DACT1: variants seen among roughly 807,000 people sequenced by gnomAD.
The protein encoded by DACT1 is dapper homolog 1.
A neutral mutation model predicts 35.3 loss-of-function variants in DACT1; 19 were observed. That is an observed-to-expected ratio of 0.54 (90% CI 0.38 to 0.79). The LOEUF (loss-of-function observed/expected upper bound fraction) is 0.79, where lower values mean the gene tolerates loss of function less well. DACT1 is among the 30% of genes least tolerant of loss of function. The pLI, the probability that DACT1 is intolerant of heterozygous loss-of-function variation, is 0.00. For synonymous variants in DACT1, 545 were observed against 466.7 expected (o/e 1.17, Z -2.16); for missense variants, 1,143 against 1,057.5 (o/e 1.08, Z -1.12).
At position 58,641,760 on chromosome 14, in the gene DACT1, A is replaced by G; in HGVS notation, c.634+13A>G. The G allele has an allele frequency of 6.2e-7, 1 of 1,611,378 alleles. No homozygotes were observed. The highest frequency in any genetic ancestry group is 8.5e-7 in the Non-Finnish European group (1 of 1,179,192). On this transcript the variant is annotated intron_variant, in intron 3 of 3. Transcript: ENST00000395153. ...CCCAAATCTGCAGGTAAGAATTTTT[A>G]GCACTGATAGAAATTTTTAATTGGA...
chr14:58,638,607 G>A, intron 1 of DACT1, 60 bp downstream of exon 1: 2 of 1,285,322 alleles, frequency 1.6e-6, no homozygotes, highest in South Asian at 7.0e-5. Context: ...AGGTCGGGCA[G>A]GTGGCCTGGG....
At chr14:58,640,961 G>A in intron 2 of DACT1, 93 bp downstream of exon 2, 1 of 1,426,812 alleles carries the variant, frequency 7.0e-7, no homozygotes, top group Non-Finnish European at 9.8e-7. Flanking sequence ...AATGGCAATG[G>A]AGTTTGTTTC....
chr14:58,640,342 T>C (rs1027450706), intron 1 of DACT1, among the ~76,000 whole-genome samples: 5 of 152,238 alleles, frequency 3.3e-5, no homozygotes, highest in Admixed American at 1.3e-4. Flanking sequence ...TAGTGTATTA[T>C]AGGAAATCTC....
At chr14:58,641,219 T>TC (rs532701830) in intron 2 of DACT1, among the ~76,000 whole-genome samples, 1 of 151,504 alleles carries the variant, frequency 6.6e-6, no homozygotes, top group Non-Finnish European at 1.5e-5. Context: ...TTTTTTTTTT[T>TC]TTTCTTTTAA....
In DACT1 at chr14:58,646,990, G is replaced by T; in HGVS notation, c.2256G>T (p.Gln752His). The T allele has an allele frequency of 6.2e-7, 1 of 1,614,170 alleles. No homozygotes were observed. The highest frequency in any genetic ancestry group is 8.5e-7 in the Non-Finnish European group (1 of 1,180,034). Residue 752 changes from glutamine (Q) to histidine (H), a missense_variant, in exon 4 of 4, where the codon CAG (glutamine) becomes CAT (histidine). This residue lies in a region of DACT1 where 1,054 missense variants were observed against 958.8 expected (regional missense o/e 1.10). Coordinates refer to ENST00000395153, the MANE Select transcript of DACT1 (RefSeq NM_001079520.2). The part of the protein sequence containing the change: ...SGGLIWSQFV[Q>H]TLPIQTVTAP... ...GCTTAATTTGGTCCCAGTTTGTCCA[G>T]ACTCTGCCCATTCAAACGGTAACGG...
intron 1 of DACT1, among the ~76,000 whole-genome samples, chr14:58,639,487 G>T (rs1318530623): frequency 6.6e-6 from 1 of 152,190 alleles, no homozygotes; most frequent in African/African-American, 2.4e-5. Context: ...CTAGACACAT[G>T]CCAGGTAGTG....
At position 58,647,292 on chromosome 14, in the gene DACT1, G is replaced by A; in HGVS notation, c.*158G>A. 2.5e-6 allele frequency: 2 copies of A among 815,750 alleles called. No homozygotes were observed. Among genetic ancestry groups the A allele is most frequent in the Non-Finnish European group, 3.8e-6 (2 of 522,180 alleles). 50.5% of individuals were successfully genotyped at this position (815,750 alleles called of 1,614,324 possible). A position where few individuals can be genotyped will look rare whatever the true frequency, so the allele number is the denominator to read the frequency against. ...AAATTATTGTTTCATCTTCACGTAT[G>A]GATGCTAGTGCCTTTAATGGAAGGT... On this transcript the variant is annotated 3_prime_UTR_variant, in exon 4 of 4. Transcript: ENST00000395153.
Position 58,645,363 on chromosome 14 carries a change from T to C in DACT1, c.635-6T>C, listed in dbSNP as rs191208422. The C allele has an allele frequency of 2.4e-5, 38 of 1,614,232 alleles. No individual in the cohort carries two copies. The highest frequency in any genetic ancestry group is 9.9e-5 in the South Asian group (9 of 91,088). ...CCACAATTTAATTCCCTTGATGTCATTGCAGATGTGAATCCCAAGTACCAG... is the reference window on the plus strand; with the variant it reads ...CCACAATTTAATTCCCTTGATGTCACTGCAGATGTGAATCCCAAGTACCAG... On this transcript the variant is annotated splice_region_variant and splice_polypyrimidine_tract_variant and intron_variant, in intron 3 of 3. Transcript: ENST00000395153.
chr14:58,644,220 C>T (rs1381807238), intron 3 of DACT1, among the ~76,000 whole-genome samples: 1 of 152,112 alleles, frequency 6.6e-6, no homozygotes, highest in African/African-American at 2.4e-5. Flanking sequence ...TCTACATTTT[C>T]AAGATATGGG....
chr14:58,641,977 CT>C (rs919217146), intron 3 of DACT1, among the ~76,000 whole-genome samples: 1 of 152,352 alleles, frequency 6.6e-6, no homozygotes, highest in East Asian at 1.9e-4. Context: ...CAGCAAGACA[CT>C]TTATCTCTAG....
rs369484476 is a variant in DACT1 at position 58,646,350 on chromosome 14, T to G, written c.1616T>G (p.Met539Arg). Reference protein sequence around the residue: ...SVRLHRGHRNMGVVKNSSLKH... With the variant: ...SVRLHRGHRNRGVVKNSSLKH... ...AGGCTCCACCGGGGCCACAGGAACATGGGCGTCGTGAAGAACTCCAGCCTG... is the reference window on the plus strand; with the variant it reads ...AGGCTCCACCGGGGCCACAGGAACAGGGGCGTCGTGAAGAACTCCAGCCTG... Residue 539 changes from methionine to arginine, a missense_variant, in exon 4 of 4, where the codon ATG becomes AGG. Transcript: ENST00000395153. 6.1e-5 allele frequency: 98 copies of G among 1,606,730 alleles called. No homozygotes were observed. The highest frequency in any genetic ancestry group is 4.5e-5 in the East Asian group (2 of 44,842).
intron 3 of DACT1, among the ~76,000 whole-genome samples, chr14:58,643,760 A>G (rs1171051469): frequency 6.6e-6 from 1 of 152,206 alleles, no homozygotes; most frequent in Non-Finnish European, 1.5e-5. Context: ...AAAAGGGATG[A>G]ATAGTGAAGT....
At chr14:58,639,579 C>CTGTGTG (rs148660709) in intron 1 of DACT1, among the ~76,000 whole-genome samples, 2 of 151,368 alleles carry the variant, frequency 1.3e-5, no homozygotes, top group African/African-American at 4.8e-5. Context: ...TTTCTTTTCT[C>CTGTGTG]TGTGTGTGTG....
In DACT1 at chr14:58,645,654, G is replaced by C; in HGVS notation, c.920G>C (p.Ser307Thr). The C allele has an allele frequency of 6.2e-7, 1 of 1,614,176 alleles. No homozygotes were observed. Among genetic ancestry groups the C allele is most frequent in the Non-Finnish European group, 8.5e-7 (1 of 1,180,044 alleles). The change falls in exon 4 of 4, where the codon AGC (serine) becomes ACC (threonine). Residue 307 changes from serine (S) to threonine (T), a missense_variant. By Grantham distance (58) the Ser-to-Thr change is moderately conservative. Coordinates refer to ENST00000395153, the MANE Select transcript of DACT1 (RefSeq NM_001079520.2). Reference protein sequence around the residue: ...SSKKMDGYILSLVQKKTHPVR... With the variant: ...SSKKMDGYILTLVQKKTHPVR... Reference sequence around the variant, plus strand: ...AAGAAAATGGATGGCTACATTCTGAGCCTGGTCCAGAAAAAAACACACCCT... The same window carrying C: ...AAGAAAATGGATGGCTACATTCTGACCCTGGTCCAGAAAAAAACACACCCT...
chr14:58,636,666 C>T (rs751544572), upstream of DACT1, among the ~76,000 whole-genome samples: 3 of 152,070 alleles, frequency 2.0e-5, no homozygotes, highest in Non-Finnish European at 4.4e-5. Context: ...GTGCAAGTGT[C>T]TGAAATAATG....
rs1244480510 is a variant in DACT1, at chr14:58,646,373, C to T, written c.1639C>T (p.Leu547=). 1.2e-6 allele frequency: 2 copies of T among 1,605,008 alleles called. No individual in the cohort carries two copies. The highest frequency in any genetic ancestry group is 1.7e-6 in the Non-Finnish European group (2 of 1,177,868). ...CATGGGCGTCGTGAAGAACTCCAGC[C>T]TGAAGCACCGCGGCCCAGCCCTCCA... The part of the protein sequence containing the change: ...RNMGVVKNSS[L]KHRGPALQGL... The change falls in exon 4 of 4, where the codon CTG becomes TTG. Residue 547 remains leucine, a synonymous_variant. Coordinates refer to ENST00000395153, the MANE Select transcript of DACT1 (RefSeq NM_001079520.2).
chr14:58,645,334 C>T, intron 3 of DACT1, 35 bp from the exon 4 acceptor site: 2 of 1,614,200 alleles, frequency 1.2e-6, no homozygotes, highest in Non-Finnish European at 1.7e-6. Context: ...GTTCCCTCTC[C>T]ACACCACAAT....
rs1387573453 is a variant in DACT1, at chr14:58,647,864, C to G, written c.*730C>G. On this transcript the variant is annotated 3_prime_UTR_variant, in exon 4 of 4. Coordinates refer to ENST00000395153, the MANE Select transcript of DACT1 (RefSeq NM_001079520.2). Reference sequence around the variant, plus strand: ...TTCCCTCCCTAATTTGTAGCCAGTCCAACCTTTCATTCCTTGGAGGATTTA... The same window carrying G: ...TTCCCTCCCTAATTTGTAGCCAGTCGAACCTTTCATTCCTTGGAGGATTTA... 4.2e-5 allele frequency: 7 copies of G among 167,058 alleles called. No individual in the cohort carries two copies. The highest frequency in any genetic ancestry group is 1.7e-4 in the African/African-American group (7 of 41,418). 10.3% of individuals were successfully genotyped at this position (167,058 alleles called of 1,614,324 possible).
intron 1 of DACT1, chr14:58,639,017 G>A: frequency 2.0e-6 from 2 of 985,594 alleles, no homozygotes; most frequent in Non-Finnish European, 1.2e-6. Flanking sequence ...ACTGTCCAGG[G>A]CCGAGTTTTA....
Sources: allele counts gnomAD v4.1 joint callset (sites outside exome capture counted in the v4.1 genomes callset), GRCh38; gene constraint gnomAD v4.1.1; regional missense constraint gnomAD v4.1.1; transcripts MANE v1.5; gene names NCBI Gene and HGNC (gene_info 2026-07-23, HGNC 2026-07-21).